Variants in HECTD4 observed in about 807,000 individuals in gnomAD.
HECTD4 encodes HECT domain E3 ubiquitin protein ligase 4.
A neutral mutation model predicts 471.5 loss-of-function variants in HECTD4; 114 were observed. That is an observed-to-expected ratio of 0.24 (90% confidence interval 0.21 to 0.28). HECTD4 has a LOEUF of 0.28. Among genes scored for constraint, HECTD4 ranks in the 10% least tolerant of loss-of-function variants. The pLI is 1.00. For synonymous variants in HECTD4, 2,012 were observed against 2,256.0 expected (o/e 0.89, Z 3.07); for missense variants, 3,866 against 5,651.5 (o/e 0.68, Z 10.13).
intron 19 of HECTD4, chr12:112,258,802 T>C (rs2034081877): frequency 1.8e-6 from 1 of 562,728 alleles, no homozygotes; most frequent in African/African-American, 1.9e-5. Flanking sequence ...TTAGCTACTA[T>C]TAGCTGGCAA....
intron 1 of HECTD4, among the ~76,000 whole-genome samples, chr12:112,342,779 T>G (rs867025893): frequency 1.3e-5 from 2 of 152,360 alleles, no homozygotes; most frequent in Middle Eastern, 3.4e-3. Flanking sequence ...AATTATGCCA[T>G]GTCATACCTA....
chr12:112,339,907 G>A (rs928599314), intron 1 of HECTD4, among the ~76,000 whole-genome samples: 2 of 152,192 alleles, frequency 1.3e-5, no homozygotes, highest in Non-Finnish European at 1.5e-5. Flanking sequence ...AAATTAGCCA[G>A]TCATGGTGGT....
At chr12:112,255,338 C>T (rs1185622449) in intron 21 of HECTD4, among the ~76,000 whole-genome samples, 2 of 152,094 alleles carry the variant, frequency 1.3e-5, no homozygotes, top group African/African-American at 2.4e-5. Flanking sequence ...TAAAGATCAT[C>T]TCATATATTT....
intron 37 of HECTD4, among the ~76,000 whole-genome samples, chr12:112,233,351 C>T (rs2033429157): frequency 6.7e-6 from 1 of 149,994 alleles, no homozygotes; most frequent in Non-Finnish European, 1.5e-5. Flanking sequence ...GCCTCCCAAA[C>T]AGCTGGGACC....
intron 44 of HECTD4, among the ~76,000 whole-genome samples, chr12:112,222,342 C>A (rs1192098461): frequency 6.6e-6 from 1 of 152,180 alleles, no homozygotes; most frequent in Non-Finnish European, 1.5e-5. Context: ...CAGGCGTGAG[C>A]CACAGCACCT....
At chr12:112,343,798 C>T (rs756374599) in intron 1 of HECTD4, among the ~76,000 whole-genome samples, 1 of 151,772 alleles carries the variant, frequency 6.6e-6, no homozygotes, top group Non-Finnish European at 1.5e-5. Flanking sequence ...GTGAAATCAA[C>T]CTAAAATATT....
At chr12:112,244,048 A>G (rs1325673149) in intron 29 of HECTD4, 39 bp from the exon 30 acceptor site, 1 of 1,608,730 alleles carries the variant, frequency 6.2e-7, no homozygotes, top group Non-Finnish European at 8.5e-7. Flanking sequence ...CATTTCTGCT[A>G]TCTGTACAAC....
In HECTD4 at chr12:112,186,652, T is replaced by A. The variant is rs375517281; in HGVS notation, c.9473-1159A>T. ...CTGTGCCCGACCTTCTTTAGTAATT[T>A]TTTAAGCTGCTTTTTTTTTTTTTTT... On this transcript the variant is annotated intron_variant, in intron 60 of 75. Transcript: ENST00000682272. 4.0e-5 allele frequency among the ~76,000 whole-genome samples: 6 copies of A among 150,520 alleles called. No individual in the cohort carries two copies. In the East Asian group the frequency reaches 1.2e-3, roughly 29 times the overall value.
At chr12:112,376,244 CT>C (rs1156827411) in intron 1 of HECTD4, among the ~76,000 whole-genome samples, 3 of 150,920 alleles carry the variant, frequency 2.0e-5, no homozygotes, top group Non-Finnish European at 4.4e-5. Context: ...ACTCTGCATT[CT>C]TTTTTTTTGT....
intron 72 of HECTD4, among the ~76,000 whole-genome samples, chr12:112,165,084 C>A (rs2030882045): frequency 6.7e-6 from 1 of 149,756 alleles, no homozygotes; most frequent in South Asian, 2.1e-4. Flanking sequence ...CCATGCCTGG[C>A]TAATTTTTGT....
chr12:112,265,102 C>T (rs1210604001), intron 16 of HECTD4, 73 bp downstream of exon 16: 33 of 1,374,044 alleles, frequency 2.4e-5, no homozygotes, highest in Non-Finnish European at 3.1e-5. Flanking sequence ...TATACACACA[C>T]CTGTCAATAT....
chr12:112,269,953 G>A (rs2034378572), intron 12 of HECTD4, 104 bp from the exon 13 acceptor site: 2 of 1,025,484 alleles, frequency 2.0e-6, no homozygotes, highest in Admixed American at 5.0e-5. Flanking sequence ...CAAATAACCA[G>A]GTGGATTTTG....
Position 112,281,273 on chromosome 12 carries a change from T to TTA in HECTD4, c.1528+1836_1528+1837insTA, listed in dbSNP as rs564822313. Among the ~76,000 whole-genome samples the TTA allele has an allele frequency of 2.0e-4, 30 of 147,366 alleles. No individual in the cohort carries two copies. The South Asian group carries it at 5.4e-3, about 26-fold the overall frequency. On this transcript the variant is annotated intron_variant, in intron 8 of 75. Transcript: ENST00000682272. ...ACATAACAAGACCTCATGTTTTTTT[T>TTA]AAAAAAAAAAAGTACAATGAGACCA... is the stretch of plus-strand genomic sequence containing the variant.
intron 55 of HECTD4, among the ~76,000 whole-genome samples, chr12:112,195,718 G>A (rs2032221218): frequency 6.6e-6 from 1 of 152,176 alleles, no homozygotes; most frequent in African/African-American, 2.4e-5. Flanking sequence ...AAAAACCACT[G>A]ACTTGTGTAC....
chr12:112,338,665 C>G (rs374948772), intron 1 of HECTD4, among the ~76,000 whole-genome samples: 2 of 151,978 alleles, frequency 1.3e-5, no homozygotes, highest in Non-Finnish European at 2.9e-5. Flanking sequence ...ACCTGAGACT[C>G]GGTAATTTAT....
Position 112,250,989 on chromosome 12 carries a change from C to T in HECTD4, c.3698G>A (p.Arg1233Gln), listed in dbSNP as rs141488409. The T allele has an allele frequency of 3.4e-5, 55 of 1,611,642 alleles. No homozygotes were observed. The highest frequency in any genetic ancestry group is 4.4e-5 in the Non-Finnish European group (52 of 1,179,026). ...KEEEACQELLRSKLLQRCQWQ... is the reference protein window; with the variant it reads ...KEEEACQELLQSKLLQRCQWQ... ...TTGTTACCTTTGTAAAAGTTTGGAC[C>T]GCAATAGCTCCTGACAGGCTTCTTC... Residue 1233 changes from arginine to glutamine, a missense_variant, in exon 24 of 76, where the codon CGG (arginine) becomes CAG (glutamine). Physicochemically the swap from Arg to Gln is conservative, Grantham distance 43. Coordinates refer to ENST00000682272, the MANE Select transcript of HECTD4 (RefSeq NM_001388303.1).
chr12:112,238,122 T>G (rs890343580), intron 34 of HECTD4, among the ~76,000 whole-genome samples: 2 of 152,086 alleles, frequency 1.3e-5, no homozygotes, highest in Non-Finnish European at 2.9e-5. Flanking sequence ...TATAATAGAC[T>G]CTCAAGACAT....
At chr12:112,299,744 GGTTT>G (rs770964173) in intron 7 of HECTD4, among the ~76,000 whole-genome samples, 14 of 152,150 alleles carry the variant, frequency 9.2e-5, no homozygotes, top group Non-Finnish European at 1.9e-4. Flanking sequence ...TTTTTTAATT[GGTTT>G]GTTTTATTCA....
intron 51 of HECTD4, 139 bp from the exon 52 acceptor site, chr12:112,208,139 T>A: frequency 3.1e-6 from 3 of 977,548 alleles, no homozygotes; most frequent in Non-Finnish European, 4.4e-6. Flanking sequence ...TAGACCCCTG[T>A]ACTAGATACA....
Sources: gnomAD v4.1 joint callset for allele counts (sites outside exome capture counted in the v4.1 genomes callset) on GRCh38, gnomAD v4.1.1 for gene constraint, MANE v1.5 for transcripts, NCBI Gene and HGNC (gene_info 2026-07-23, HGNC 2026-07-21) for gene names.